Variants in TMEM132B observed in about 807,000 individuals in gnomAD.
The protein encoded by TMEM132B is transmembrane protein 132B.
TMEM132B carries 18 observed loss-of-function variants against 90.8 expected under a neutral mutation model. The observed-to-expected ratio is 0.20, with a 90% CI of 0.14 to 0.29. The LOEUF (loss-of-function observed/expected upper bound fraction) is 0.29. TMEM132B is among the 10% of genes least tolerant of loss of function. The probability of loss-of-function intolerance (pLI) is 1.00; values close to 1 mark genes in which losing one functional copy is unlikely to be tolerated. For missense variants in TMEM132B, 1,096 were observed against 1,326.8 expected, an observed-to-expected ratio of 0.83 and a Z score of 2.70; for synonymous variants, 504 against 523.3, an observed-to-expected ratio of 0.96 and a Z score of 0.50.
At chr12:125,516,154 C>G (rs1228242575) in intron 3 of TMEM132B, among the ~76,000 whole-genome samples, 1 of 151,914 alleles carries the variant, frequency 6.6e-6, no homozygotes, top group Non-Finnish European at 1.5e-5. Context: ...CACACACTAT[C>G]ACATTCTCAC....
chr12:125,472,433 G>A (rs1321337251), intron 3 of TMEM132B, among the ~76,000 whole-genome samples: 1 of 152,122 alleles, frequency 6.6e-6, no homozygotes, highest in Non-Finnish European at 1.5e-5. Flanking sequence ...AGGGAGCCAC[G>A]GGTCTGACCT....
rs1409937643 is a variant in TMEM132B at position 125,408,018 on chromosome 12, C to T, written c.960-7513C>T. ...CATGGCAGGGTCCCCAGAAGCCCAG[C>T]AGGACTCCACTCAGTGACTGCCTCT... On this transcript the variant is annotated intron_variant, in intron 2 of 8. Transcript: ENST00000682704. The surrounding 1 kb of genome is among the most constrained non-coding windows in gnomAD (Gnocchi z 5.9). Among the ~76,000 whole-genome samples, 1 of 152,214 alleles carries T rather than the reference C, an allele frequency of 6.6e-6. No homozygotes were observed. The highest frequency in any genetic ancestry group is 1.9e-4 in the East Asian group (1 of 5,190).
chr12:125,475,301 A>T (rs892600806), intron 3 of TMEM132B, among the ~76,000 whole-genome samples: 5 of 152,164 alleles, frequency 3.3e-5, no homozygotes, highest in Admixed American at 2.0e-4. Context: ...AAACTTAGCA[A>T]TATGCATATT....
At chr12:125,250,687 T>C (rs2136101768) in intron 1 of TMEM132B, among the ~76,000 whole-genome samples, 1 of 152,318 alleles carries the variant, frequency 6.6e-6, no homozygotes, top group East Asian at 1.9e-4. Flanking sequence ...GGGTTCCCCC[T>C]TCCCTGAAGC....
chr12:125,639,995 G>C (rs140687437), intron 5 of TMEM132B, among the ~76,000 whole-genome samples: 3 of 152,140 alleles, frequency 2.0e-5, no homozygotes, highest in African/African-American at 7.2e-5. Flanking sequence ...TCGAGGGCCC[G>C]GGTTCCTTAG....
chr12:125,506,682 C>A (rs2136617566), intron 3 of TMEM132B, among the ~76,000 whole-genome samples: 1 of 152,200 alleles, frequency 6.6e-6, no homozygotes, highest in East Asian at 1.9e-4. Flanking sequence ...CAGCTTAATG[C>A]ACAAAAAAGG....
chr12:125,196,816 G>C (rs1872935305), intron 1 of TMEM132B, among the ~76,000 whole-genome samples: 1 of 152,196 alleles, frequency 6.6e-6, no homozygotes, highest in Non-Finnish European at 1.5e-5. Flanking sequence ...GAGTGGCAAT[G>C]ATGAATATTG....
intron 5 of TMEM132B, among the ~76,000 whole-genome samples, chr12:125,594,906 A>G (rs1452582524): frequency 6.6e-6 from 1 of 151,892 alleles, no homozygotes; most frequent in African/African-American, 2.4e-5. Flanking sequence ...GAATTTATCA[A>G]TTTTTTTTCA....
intron 2 of TMEM132B, among the ~76,000 whole-genome samples, chr12:125,387,096 C>A (rs1211029032): frequency 7.5e-6 from 1 of 133,128 alleles, no homozygotes; most frequent in African/African-American, 2.9e-5. Context: ...TTGATTGACC[C>A]AGACAGAAAG....
At chr12:125,429,377 T>G (rs1463693944) in intron 3 of TMEM132B, among the ~76,000 whole-genome samples, 2 of 145,236 alleles carry the variant, frequency 1.4e-5, no homozygotes, top group Admixed American at 6.9e-5. Flanking sequence ...TTTTTTTTTT[T>G]GTATTTTTTG....
rs761656051 is a variant in TMEM132B, at chr12:125,408,231, C to T, written c.960-7300C>T. ...TTCCTCGTTACTGCTGTATAGTGTT[C>T]CACTGTGAGATGTTACGCTTTACCA... On this transcript the variant is annotated intron_variant, in intron 2 of 8. Transcript: ENST00000682704. The surrounding 1 kb of genome is among the most constrained non-coding windows in gnomAD (Gnocchi z 5.9). Among the ~76,000 whole-genome samples, 3 of 152,156 alleles carry T rather than the reference C, an allele frequency of 2.0e-5. No homozygotes were observed. The highest frequency in any genetic ancestry group is 4.4e-5 in the Non-Finnish European group (3 of 68,026).
At chr12:125,386,339 G>A (rs1302348807) in intron 2 of TMEM132B, among the ~76,000 whole-genome samples, 1 of 152,178 alleles carries the variant, frequency 6.6e-6, no homozygotes, top group Non-Finnish European at 1.5e-5. Context: ...TGGTGGGAGG[G>A]AAGTAAGGTC....
At chr12:125,621,887 A>G (rs1263535139) in intron 5 of TMEM132B, among the ~76,000 whole-genome samples, 2 of 152,204 alleles carry the variant, frequency 1.3e-5, no homozygotes, top group Non-Finnish European at 2.9e-5. Flanking sequence ...TGAGACAAAT[A>G]TTTCCCAAAG....
chr12:125,299,547 C>T (rs1241064302), intron 1 of TMEM132B, among the ~76,000 whole-genome samples: 4 of 152,238 alleles, frequency 2.6e-5, no homozygotes, highest in Non-Finnish European at 4.4e-5. Context: ...TCAGGAGCTC[C>T]CTAGAGCCTT....
intron 4 of TMEM132B, among the ~76,000 whole-genome samples, chr12:125,536,910 C>T (rs1382709222): frequency 6.6e-6 from 1 of 151,758 alleles, no homozygotes; most frequent in East Asian, 1.9e-4. Context: ...ACCTTTAAAA[C>T]CAAGCTAAGA....
At chr12:125,511,860 A>AAAAG (rs1882988715) in intron 3 of TMEM132B, among the ~76,000 whole-genome samples, 2 of 151,222 alleles carry the variant, frequency 1.3e-5, no homozygotes, top group African/African-American at 2.4e-5. Context: ...TCAAAAAAAA[A>AAAAG]AAAAAAAAGA....
intron 1 of TMEM132B, among the ~76,000 whole-genome samples, chr12:125,332,974 G>A (rs769838455): frequency 2.0e-5 from 3 of 152,176 alleles, no homozygotes; most frequent in Non-Finnish European, 2.9e-5. Flanking sequence ...TTTCCTGTGG[G>A]TGTTGTAATA....
At chr12:125,376,510 C>G (rs754675896) in intron 2 of TMEM132B, among the ~76,000 whole-genome samples, 29 of 152,210 alleles carry the variant, frequency 1.9e-4, no homozygotes, top group Non-Finnish European at 3.7e-4. Context: ...CATTTACACT[C>G]CTCCTGCCCA....
intron 3 of TMEM132B, among the ~76,000 whole-genome samples, chr12:125,516,507 T>C (rs1883167110): frequency 1.3e-5 from 2 of 152,242 alleles, no homozygotes; most frequent in Non-Finnish European, 2.9e-5. Flanking sequence ...TTAATTGTTA[T>C]TCCATTCATT....
Sources: gnomAD v4.1 joint callset for allele counts (sites outside exome capture counted in the v4.1 genomes callset) on GRCh38, gnomAD v4.1.1 for gene constraint, Gnocchi (gnomAD v3.1) non-coding constraint, MANE v1.5 for transcripts, NCBI Gene and HGNC (gene_info 2026-07-23, HGNC 2026-07-21) for gene names.